Variants in DICER1 observed in about 807,000 individuals in gnomAD.
DICER1 encodes the protein dicer 1, ribonuclease III, also known as endoribonuclease Dicer.
DICER1 carries 43 observed loss-of-function variants against 194.1 expected under a neutral mutation model. That is an observed-to-expected ratio of 0.22 (90% CI 0.17 to 0.29). DICER1 has a LOEUF of 0.29. DICER1 is among the 10% of genes least tolerant of loss of function. DICER1 has a pLI of 1.00. For missense variants in DICER1, 1,608 were observed against 2,317.0 expected (o/e 0.69, Z 6.28); for synonymous variants, 832 against 820.5 (o/e 1.01, Z -0.24).
At chr14:95,141,554 CT>C (rs1894831368) in intron 1 of DICER1, 1 of 152,204 alleles carries the variant, frequency 6.6e-6, no homozygotes, top group Non-Finnish European at 1.5e-5. Context: ...CTTTTTACTA[CT>C]TCCAGTCCTT....
rs1188205503 is a variant in DICER1, at chr14:95,105,284, G to A, written c.3094-38C>T. ...GGAAAAATGGACAGATAAATACAAA[G>A]CGCACACACAAAAGAAAAAAAAAAA... On this transcript the variant is annotated intron_variant, in intron 19 of 26. Transcript: ENST00000343455. The surrounding 1 kb of genome is among the most constrained non-coding windows in gnomAD (Gnocchi z 4.9). 3.8e-6 allele frequency: 6 copies of A among 1,563,540 alleles called. No homozygotes were observed. The Admixed American group carries it at 8.4e-5, about 22-fold the overall frequency.
At chr14:95,094,782 G>A (rs1008549771) in intron 23 of DICER1, among the ~76,000 whole-genome samples, 1 of 152,346 alleles carries the variant, frequency 6.6e-6, no homozygotes, top group African/African-American at 2.4e-5. Context: ...TAAACTGGTT[G>A]TCAAAATGTG....
In DICER1 at chr14:95,104,117, G is replaced by A. The variant is rs1555369761; in HGVS notation, c.3279C>T (p.Asn1093=). The A allele has an allele frequency of 6.2e-7, 1 of 1,612,298 alleles. No homozygotes were observed. Among genetic ancestry groups the A allele is most frequent in the Middle Eastern group, 1.7e-4 (1 of 5,890 alleles). The change falls in exon 21 of 27, where the codon AAC becomes AAT. Residue 1093 remains asparagine (N), a synonymous_variant. Coordinates refer to ENST00000343455, the MANE Select transcript of DICER1 (RefSeq NM_177438.3). Reference sequence around the variant, plus strand: ...TAGATTTTTTCCACCCGAAGTCTAAGTTAGGGTATCTGCAAAGACATTTTT... The same window carrying A: ...TAGATTTTTTCCACCCGAAGTCTAAATTAGGGTATCTGCAAAGACATTTTT... ...RSLPADFRYP[N]LDFGWKKSID...
chr14:95,099,915 A>G lies in DICER1; in HGVS notation c.4071T>C (p.Tyr1357=). The stretch of plus-strand genomic sequence containing the variant: ...GTAGTCCCTTCTTTTTTCCAAGGCG[A>G]TACAGATTACAGTTGCTGACCTTTA... ...RSKKVSNCNL[Y]RLGKKKGLPS... Residue 1357 remains tyrosine, a synonymous_variant, in exon 22 of 27, where the codon TAT becomes TAC. Coordinates refer to ENST00000343455, the MANE Select transcript of DICER1 (RefSeq NM_177438.3). 6.2e-7 allele frequency: 1 copy of G among 1,614,086 alleles called. No homozygotes were observed. Among genetic ancestry groups the G allele is most frequent in the African/African-American group, 1.3e-5 (1 of 75,032 alleles).
At chr14:95,137,194 GGGGAAGGGGAAAGGAAAAA>G (rs1894445982) in intron 1 of DICER1, among the ~76,000 whole-genome samples, 1 of 147,204 alleles carries the variant, frequency 6.8e-6, no homozygotes, top group Admixed American at 6.8e-5. Context: ...AGAAGGAAAA[GGGGAAGGGGAAAGGAAAAA>G]GGGAAGGGGA....
Position 95,105,926 on chromosome 14 carries a change from C to G in DICER1, c.2987+115G>C. The G allele has an allele frequency of 7.0e-7, 1 of 1,420,484 alleles. No individual in the cohort carries two copies. 88.0% of individuals were successfully genotyped at this position (1,420,484 alleles called of 1,614,324 possible). On this transcript the variant is annotated intron_variant, in intron 18 of 26. Coordinates refer to ENST00000343455, the MANE Select transcript of DICER1 (RefSeq NM_177438.3). This position sits in a 1 kb window ranked among gnomAD's most constrained non-coding sequence, Gnocchi z 4.9. ...GGGCAAGTTTGTGTGCAAAGCATCT[C>G]CTGATTTCAGATAGTCCACGGGTGG...
At chr14:95,091,577 T>C (rs1201795164) in intron 24 of DICER1, among the ~76,000 whole-genome samples, 2 of 152,056 alleles carry the variant, frequency 1.3e-5, no homozygotes, top group African/African-American at 4.8e-5. Flanking sequence ...AAAGAAAAAA[T>C]ATCCCCACCC....
At chr14:95,139,920 A>G (rs755320592) in intron 1 of DICER1, among the ~76,000 whole-genome samples, 15 of 152,336 alleles carry the variant, frequency 9.8e-5, no homozygotes, top group Admixed American at 2.6e-4. Context: ...ATTTAGGGAA[A>G]ACAAATCCAA....
chr14:95,125,621 AGGAGGAGGG>A (rs1245461522), intron 7 of DICER1, among the ~76,000 whole-genome samples: 16 of 32,634 alleles, frequency 4.9e-4, no homozygotes, highest in African/African-American at 1.2e-3. Flanking sequence ...AGAAGGGGAG[AGGAGGAGGG>A]GGAGGAGGGG....
chr14:95,138,550 A>C (rs371587618), intron 1 of DICER1, among the ~76,000 whole-genome samples: 30 of 152,278 alleles, frequency 2.0e-4, no homozygotes, highest in East Asian at 1.5e-3. Context: ...AATTCATTAA[A>C]AAGTTGATAT....
Position 95,103,564 on chromosome 14 carries a change from C to T in DICER1, c.3832G>A (p.Glu1278Lys). The change falls in exon 21 of 27, where the codon GAG (glutamate) becomes AAG (lysine). Residue 1278 changes from glutamate to lysine, a missense_variant. Coordinates refer to ENST00000343455, the MANE Select transcript of DICER1 (RefSeq NM_177438.3). ...IQVLKGRMDS[E>K]QSPSIGYSSR... ...GAGTACCCAATAGAAGGGCTCTGCT[C>T]AGAATCCATCCTGCCCTTGAGCACT... The T allele has an allele frequency of 1.2e-6, 2 of 1,614,166 alleles. No homozygotes were observed. Among genetic ancestry groups the T allele is most frequent in the Non-Finnish European group, 1.7e-6 (2 of 1,180,018 alleles).
At position 95,126,849 on chromosome 14, in the gene DICER1, T is replaced by TA. The variant is rs201507736; in HGVS notation, c.735-102dup. 43,880 of 331,862 alleles carry TA rather than the reference T, an allele frequency of 0.13. 1,182 individuals are homozygous for TA. Among genetic ancestry groups the TA allele is most frequent in the East Asian group, 0.33 (6,024 of 18,324 alleles). 20.6% of individuals were successfully genotyped at this position (331,862 alleles called of 1,614,324 possible). On this transcript the variant is annotated intron_variant, in intron 6 of 26. Coordinates refer to ENST00000343455, the MANE Select transcript of DICER1 (RefSeq NM_177438.3). ...AAAAAAAAAAAAAGGGAATAGATAC[T>TA]AAAAAAAAAAAAAAATGCCAGAATG... is the stretch of plus-strand genomic sequence containing the variant.
At position 95,105,992 on chromosome 14, in the gene DICER1, G is replaced by C. The variant is rs762704783; in HGVS notation, c.2987+49C>G. 1 of 1,589,224 alleles carries C rather than the reference G, an allele frequency of 6.3e-7. No individual in the cohort carries two copies. The highest frequency in any genetic ancestry group is 1.1e-5 in the South Asian group (1 of 90,340). On this transcript the variant is annotated intron_variant, in intron 18 of 26. Transcript: ENST00000343455. The surrounding 1 kb of genome is among the most constrained non-coding windows in gnomAD (Gnocchi z 4.9). ...ACCTCTGCATGTCTAGTGATGTCTG[G>C]TAAGAATCCCTCAAGTGCAATCCAA...
At chr14:95,101,272 G>T (rs180686993) in intron 21 of DICER1, among the ~76,000 whole-genome samples, 1 of 152,174 alleles carries the variant, frequency 6.6e-6, no homozygotes, top group African/African-American at 2.4e-5. Flanking sequence ...GAAAGGGCCT[G>T]AACAGCAGGC....
intron 8 of DICER1, among the ~76,000 whole-genome samples, chr14:95,122,943 C>T (rs1428946451): frequency 6.1e-5 from 9 of 147,260 alleles, no homozygotes; most frequent in Admixed American, 1.3e-4. Flanking sequence ...TACGCGCGCG[C>T]GCGCGCACAC....
In DICER1 at chr14:95,152,944, C is replaced by T. The variant is rs185182131; in HGVS notation, c.-46+4286G>A. Among the ~76,000 whole-genome samples, 791 of 152,030 alleles carry T rather than the reference C, an allele frequency of 5.2e-3. 3 individuals carry two copies. The highest frequency in any genetic ancestry group is 0.018 in the African/African-American group (732 of 41,468). On this transcript the variant is annotated intron_variant, in intron 1 of 26. Coordinates refer to ENST00000343455, the MANE Select transcript of DICER1 (RefSeq NM_177438.3). ...AAAGACTGGGTGAGAGGGCTGGGCA[C>T]GGTGGCTCACACCTGTAATCCCAGC...
intron 11 of DICER1, 140 bp downstream of exon 11, chr14:95,115,526 AG>A (rs1892358575): frequency 1.1e-6 from 1 of 930,354 alleles, no homozygotes; most frequent in African/African-American, 1.6e-5. Context: ...TGAAAAAAGA[AG>A]TAACTTTTCT....
In DICER1 at chr14:95,099,525, A is replaced by G. The variant is rs530323611; in HGVS notation, c.4206+255T>C. Among the ~76,000 whole-genome samples the G allele has an allele frequency of 2.6e-5, 4 of 152,294 alleles. No homozygotes were observed. The East Asian group carries it at 7.7e-4, about 29-fold the overall frequency. ...CAAAGTCAAAACATCACATACTCTTATGCCTTTGGAAAAGAAATAATAAAA... is the reference window on the plus strand; with the variant it reads ...CAAAGTCAAAACATCACATACTCTTGTGCCTTTGGAAAAGAAATAATAAAA... On this transcript the variant is annotated intron_variant, in intron 22 of 26. Coordinates refer to ENST00000343455, the MANE Select transcript of DICER1 (RefSeq NM_177438.3).
rs1456201511 is a variant in DICER1, at chr14:95,086,555, T to C, written c.*3943A>G. The C allele has an allele frequency of 4.3e-6, 1 of 233,258 alleles. No individual in the cohort carries two copies. Among genetic ancestry groups the C allele is most frequent in the Non-Finnish European group, 8.5e-6 (1 of 117,896 alleles). 14.4% of individuals were successfully genotyped at this position (233,258 alleles called of 1,614,324 possible). A position where few individuals can be genotyped will look rare whatever the true frequency, so the allele number is the denominator to read the frequency against. ...CTGCAGTGAATTCTTAGTGCATCTA[T>C]AAAATTTAAATTGTCTGTGGTTGAT... On this transcript the variant is annotated 3_prime_UTR_variant, in exon 27 of 27. Transcript: ENST00000343455.
Sources: gnomAD v4.1 joint callset for allele counts (sites outside exome capture counted in the v4.1 genomes callset) on GRCh38, gnomAD v4.1.1 for gene constraint, Gnocchi (gnomAD v3.1) non-coding constraint, MANE v1.5 for transcripts, NCBI Gene and HGNC (gene_info 2026-07-23, HGNC 2026-07-21) for gene names.